The following ZDHHC14 variants were observed in gnomAD, a reference collection of about 807,000 sequenced individuals.
ZDHHC14 encodes zDHHC palmitoyltransferase 14.
ZDHHC14 carries 16 observed loss-of-function variants against 47.7 expected under a neutral mutation model. The observed-to-expected ratio is 0.34, with a 90% CI of 0.23 to 0.51. ZDHHC14 has a LOEUF of 0.51. Ranked by LOEUF, ZDHHC14 falls within the 20% of genes least tolerant of loss-of-function variation. ZDHHC14 has a pLI of 0.97. For missense variants in ZDHHC14, 515 were observed against 662.5 expected, an observed-to-expected ratio of 0.78 and a Z score of 2.44; for synonymous variants, 293 against 278.9, an observed-to-expected ratio of 1.05 and a Z score of -0.50.
chr6:157,636,363 A>G (rs978636042), intron 5 of ZDHHC14, among the ~76,000 whole-genome samples: 2 of 126,888 alleles, frequency 1.6e-5, no homozygotes, highest in Non-Finnish European at 3.3e-5. Flanking sequence ...GTGTGTGTGC[A>G]TGCATCTATA....
intron 1 of ZDHHC14, among the ~76,000 whole-genome samples, chr6:157,473,890 T>A (rs1779414380): frequency 6.6e-6 from 1 of 151,964 alleles, no homozygotes; most frequent in African/African-American, 2.4e-5. Context: ...ATTATCTATA[T>A]GCAAATATCC....
At chr6:157,522,791 TCC>T (rs1780978184) in intron 1 of ZDHHC14, among the ~76,000 whole-genome samples, 1 of 6,386 alleles carries the variant, frequency 1.6e-4, no homozygotes, top group Non-Finnish European at 2.8e-4. Context: ...CTCTTTCCAT[TCC>T]TCCCTCCCTC....
intron 1 of ZDHHC14, among the ~76,000 whole-genome samples, chr6:157,530,063 T>C (rs987786790): frequency 6.6e-6 from 1 of 152,210 alleles, no homozygotes; most frequent in Non-Finnish European, 1.5e-5. Flanking sequence ...GCAATATAGG[T>C]ACTCAATCAA....
intron 8 of ZDHHC14, among the ~76,000 whole-genome samples, chr6:157,662,255 C>T (rs559632361): frequency 6.6e-6 from 1 of 152,356 alleles, no homozygotes; most frequent in Admixed American, 6.5e-5. Context: ...GATCTCTGCT[C>T]ACTGCACTCT....
intron 8 of ZDHHC14, among the ~76,000 whole-genome samples, chr6:157,664,394 C>T (rs1366662179): frequency 3.3e-5 from 5 of 152,182 alleles, no homozygotes; most frequent in African/African-American, 1.2e-4. Context: ...GGTATAGAGA[C>T]TCTGGATTTT....
At chr6:157,628,660 C>G (rs978252981) in intron 4 of ZDHHC14, 174 bp downstream of exon 4, 2 of 784,370 alleles carry the variant, frequency 2.5e-6, no homozygotes, top group African/African-American at 3.5e-5. Context: ...CCTCCTCCAT[C>G]CCTCCTCCGT....
chr6:157,635,142 G>A (rs1403028322), intron 5 of ZDHHC14, among the ~76,000 whole-genome samples: 4 of 152,144 alleles, frequency 2.6e-5, no homozygotes, highest in Non-Finnish European at 4.4e-5. Flanking sequence ...TACAGGTGCT[G>A]TGCCACCACA....
intron 2 of ZDHHC14, among the ~76,000 whole-genome samples, chr6:157,565,418 C>T (rs1782863581): frequency 6.6e-6 from 1 of 152,064 alleles, no homozygotes; most frequent in Non-Finnish European, 1.5e-5. Flanking sequence ...GGCAAAAATA[C>T]AAAAAATTAG....
chr6:157,641,802 T>C (rs944263660), intron 5 of ZDHHC14, among the ~76,000 whole-genome samples: 1 of 152,218 alleles, frequency 6.6e-6, no homozygotes, highest in Non-Finnish European at 1.5e-5. Flanking sequence ...ATATTGTGTT[T>C]CTTACGTTTG....
Position 157,628,671 on chromosome 6 carries a change from C to T in ZDHHC14, c.703+185C>T, listed in dbSNP as rs147006595. The T allele has an allele frequency of 1.0e-2, 6,873 of 688,576 alleles. 366 individuals are homozygous for T. In the African/African-American group the frequency reaches 0.11, roughly 11 times the overall value. 42.7% of individuals were successfully genotyped at this position (688,576 alleles called of 1,614,324 possible). ...TCACCCTCCTCCATCCCTCCTCCGT[C>T]CCCTGTCATCCCCCACTCCCCACCC... is the stretch of plus-strand genomic sequence containing the variant. On this transcript the variant is annotated intron_variant, in intron 4 of 8. Transcript: ENST00000359775.
intron 1 of ZDHHC14, among the ~76,000 whole-genome samples, chr6:157,419,629 T>C (rs1055333243): frequency 4.6e-5 from 7 of 152,266 alleles, no homozygotes; most frequent in African/African-American, 1.7e-4. Context: ...TATCTTTTTG[T>C]GGCTTGATAG....
chr6:157,384,271 A>AT (rs1777270197), intron 1 of ZDHHC14, among the ~76,000 whole-genome samples: 1 of 152,170 alleles, frequency 6.6e-6, no homozygotes, highest in Non-Finnish European at 1.5e-5. Context: ...ATGCTTAGGG[A>AT]TCCCCCCAGT....
intron 1 of ZDHHC14, among the ~76,000 whole-genome samples, chr6:157,497,097 G>A (rs1780086485): frequency 6.6e-6 from 1 of 152,316 alleles, no homozygotes; most frequent in South Asian, 2.1e-4. Context: ...TTGGATAAGG[G>A]AGGAAACAGA....
chr6:157,527,902 C>A (rs943538561), intron 1 of ZDHHC14, among the ~76,000 whole-genome samples: 1 of 152,146 alleles, frequency 6.6e-6, no homozygotes, highest in African/African-American at 2.4e-5. Flanking sequence ...GCTTTCTGAT[C>A]CTTCTCTCTC....
At chr6:157,555,854 G>A (rs1372370127) in intron 2 of ZDHHC14, among the ~76,000 whole-genome samples, 1 of 152,106 alleles carries the variant, frequency 6.6e-6, no homozygotes, top group African/African-American at 2.4e-5. Context: ...TGTCCCCTTG[G>A]GCACAAAGTC....
chr6:157,628,296 G>T (rs1785517492), intron 3 of ZDHHC14, 53 bp from the exon 4 acceptor site: 2 of 1,570,730 alleles, frequency 1.3e-6, no homozygotes, highest in Non-Finnish European at 1.7e-6. Flanking sequence ...CAAGTAAAAA[G>T]ACATTTTATT....
intron 1 of ZDHHC14, among the ~76,000 whole-genome samples, chr6:157,528,503 G>A (rs534000863): frequency 6.6e-6 from 1 of 151,944 alleles, no homozygotes; most frequent in South Asian, 2.1e-4. Context: ...AGGCTGAGGC[G>A]GGCAGATCAC....
intron 1 of ZDHHC14, among the ~76,000 whole-genome samples, chr6:157,524,975 G>A (rs769269223): frequency 2.2e-4 from 34 of 152,300 alleles, no homozygotes; most frequent in Middle Eastern, 6.8e-3. Flanking sequence ...CTTGGATGTG[G>A]CTTAGCTGTG....
At chr6:157,458,849 A>ATTTGTTTTTTTTTTTTT (rs1778991732) in intron 1 of ZDHHC14, among the ~76,000 whole-genome samples, 1 of 81,226 alleles carries the variant, frequency 1.2e-5, no homozygotes, top group African/African-American at 4.6e-5. Flanking sequence ...ATGTGGGTGG[A>ATTTGTTTTTTTTTTTTT]TTTTTTTTTT....
Sources: allele counts gnomAD v4.1 joint callset (sites outside exome capture counted in the v4.1 genomes callset), GRCh38; gene constraint gnomAD v4.1.1; transcripts MANE v1.5; gene names NCBI Gene and HGNC (gene_info 2026-07-23, HGNC 2026-07-21).